The following PSEN1 variants were observed in gnomAD, a reference collection of about 807,000 sequenced individuals.
PSEN1 encodes the protein presenilin 1.
A neutral mutation model predicts 53.5 loss-of-function variants in PSEN1; 15 were observed. The observed-to-expected ratio is 0.28, with a 90% CI of 0.19 to 0.43. The LOEUF (loss-of-function observed/expected upper bound fraction) is 0.43, where lower values mean the gene tolerates loss of function less well. Ranked by LOEUF, PSEN1 falls within the 20% of genes least tolerant of loss-of-function variation. The probability of loss-of-function intolerance (pLI) is 1.00; values close to 1 mark genes in which losing one functional copy is unlikely to be tolerated. For synonymous variants in PSEN1, 208 were observed against 209.8 expected (o/e 0.99, Z 0.08); for missense variants, 387 against 571.2 (o/e 0.68, Z 3.29).
intron 8 of PSEN1, among the ~76,000 whole-genome samples, chr14:73,205,609 C>T (rs1368563068): frequency 6.6e-6 from 1 of 151,834 alleles, no homozygotes; most frequent in Non-Finnish European, 1.5e-5. Flanking sequence ...GTTGGTGTAT[C>T]TTCAGGATAA....
chr14:73,152,114 T>C lies in PSEN1; in HGVS notation c.87+4008T>C, dbSNP rs1275667462. Reference sequence around the variant, plus strand: ...TTTTCATAGAGGCGGGGTTTCACCGTGTTAGCCAGGATGGTCTCGGATCTC... The same window carrying C: ...TTTTCATAGAGGCGGGGTTTCACCGCGTTAGCCAGGATGGTCTCGGATCTC... On this transcript the variant is annotated intron_variant, in intron 3 of 11. Coordinates refer to ENST00000324501, the MANE Select transcript of PSEN1 (RefSeq NM_000021.4). 2.0e-5 allele frequency among the ~76,000 whole-genome samples: 3 copies of C among 146,478 alleles called. No individual in the cohort carries two copies. In the East Asian group the frequency reaches 6.3e-4, roughly 31 times the overall value.
chr14:73,144,546 A>C lies in PSEN1; in HGVS notation c.-135-3249A>C, dbSNP rs214275. Among the ~76,000 whole-genome samples, 1,259 of 152,244 alleles carry C rather than the reference A, an allele frequency of 8.3e-3. 21 individuals are homozygous for C. The highest frequency in any genetic ancestry group is 0.029 in the African/African-American group (1,209 of 41,520). The stretch of plus-strand genomic sequence containing the variant: ...GTAAACTCCTACGGGGCAGGTTTGG[A>C]GTTTTATAAAGAGGCAATATAGTGT... On this transcript the variant is annotated intron_variant, in intron 1 of 11. Coordinates refer to ENST00000324501, the MANE Select transcript of PSEN1 (RefSeq NM_000021.4).
At position 73,147,785 on chromosome 14, in the gene PSEN1, C is replaced by G; in HGVS notation, c.-135-10C>G. The G allele has an allele frequency of 1.9e-6, 1 of 538,494 alleles. No individual in the cohort carries two copies. Among genetic ancestry groups the G allele is most frequent in the Non-Finnish European group, 3.3e-6 (1 of 299,308 alleles). 33.4% of individuals were successfully genotyped at this position (538,494 alleles called of 1,614,324 possible). A position where few individuals can be genotyped will look rare whatever the true frequency, so the allele number is the denominator to read the frequency against. On this transcript the variant is annotated splice_polypyrimidine_tract_variant and intron_variant, in intron 1 of 11. Transcript: ENST00000324501. ...CTAACAATGGATGACCTGGTGAAAT[C>G]CTATTTCAGACCTAATCTGGGAGCC...
Position 73,184,106 on chromosome 14 carries a change from ACC to A in PSEN1, c.481-2739_481-2738del, listed in dbSNP as rs1198304796. ...GGGCGGCTGGCCGGGCGGGGGGCTG[ACC>A]CCCCCCCACCTCCCTCCCGGACAGG... On this transcript the variant is annotated intron_variant, in intron 5 of 11. Transcript: ENST00000324501. Among the ~76,000 whole-genome samples the A allele has an allele frequency of 7.7e-3, 381 of 49,166 alleles. 19 individuals carry two copies. The highest frequency in any genetic ancestry group is 0.033 in the African/African-American group (349 of 10,628). The allele number at this position is 49,166 out of a possible 152,430, so 32.3% of individuals were successfully genotyped here. A position where few individuals can be genotyped will look rare whatever the true frequency, so the allele number is the denominator to read the frequency against.
chr14:73,169,753 C>T (rs1897832024), intron 3 of PSEN1, among the ~76,000 whole-genome samples: 1 of 151,782 alleles, frequency 6.6e-6, no homozygotes, highest in Admixed American at 6.6e-5. Context: ...TCAGGTGATT[C>T]TCCTGCCGTA....
At position 73,223,579 on chromosome 14, in the gene PSEN1, CTG is replaced by C. The variant is rs1216614108; in HGVS notation, c.*4293_*4294del. The C allele has an allele frequency of 5.3e-5, 8 of 152,148 alleles. No homozygotes were observed. Among genetic ancestry groups the C allele is most frequent in the Non-Finnish European group, 1.2e-4 (8 of 68,026 alleles). The allele number at this position is 152,148 out of a possible 1,614,324, so 9.4% of individuals were successfully genotyped here. A position where few individuals can be genotyped will look rare whatever the true frequency, so the allele number is the denominator to read the frequency against. On this transcript the variant is annotated 3_prime_UTR_variant, in exon 12 of 12. Coordinates refer to ENST00000324501, the MANE Select transcript of PSEN1 (RefSeq NM_000021.4). ...CTGCTTTGTACTTAATTCAGACAGA[CTG>C]TGAATACACCTTTTTTATAAATACC...
chr14:73,174,031 G>A, intron 5 of PSEN1: 1 of 485,544 alleles, frequency 2.1e-6, no homozygotes, highest in Non-Finnish European at 3.6e-6. Context: ...TATATGCATG[G>A]AATCTATATG....
At chr14:73,185,198 C>G (rs1320065413) in intron 5 of PSEN1, among the ~76,000 whole-genome samples, 2 of 151,098 alleles carry the variant, frequency 1.3e-5, no homozygotes, top group South Asian at 2.1e-4. Context: ...ACTTCCCAGA[C>G]GGGGTGGCGG....
At chr14:73,212,452 T>C (rs1899743683) in intron 10 of PSEN1, among the ~76,000 whole-genome samples, 2 of 152,176 alleles carry the variant, frequency 1.3e-5, no homozygotes, top group South Asian at 4.1e-4. Flanking sequence ...CCTGACCTTT[T>C]GGCATTTATT....
chr14:73,185,499 T>G (rs1192681052), intron 5 of PSEN1, among the ~76,000 whole-genome samples: 1 of 151,654 alleles, frequency 6.6e-6, no homozygotes, highest in South Asian at 2.1e-4. Context: ...GCAGGCTGAG[T>G]CAGGAGAATC....
chr14:73,173,965 C>A (rs543882851), intron 5 of PSEN1: 5 of 599,686 alleles, frequency 8.3e-6, no homozygotes, highest in Non-Finnish European at 1.2e-5. Context: ...GCTTGGGCAA[C>A]GTAGCAAGAC....
intron 10 of PSEN1, among the ~76,000 whole-genome samples, chr14:73,215,056 G>A (rs1467897812): frequency 1.3e-5 from 2 of 151,982 alleles, no homozygotes; most frequent in Non-Finnish European, 2.9e-5. Flanking sequence ...TGCCTCCCAG[G>A]TTCAAGCGAT....
In PSEN1 at chr14:73,153,645, A is replaced by G. The variant is rs186363196; in HGVS notation, c.87+5539A>G. On this transcript the variant is annotated intron_variant, in intron 3 of 11. Coordinates refer to ENST00000324501, the MANE Select transcript of PSEN1 (RefSeq NM_000021.4). ...CACATTTGTCATTGTAGAAATTCAAACAATATCCATTAAGTCATTTTTTTT... is the reference window on the plus strand; with the variant it reads ...CACATTTGTCATTGTAGAAATTCAAGCAATATCCATTAAGTCATTTTTTTT... Among the ~76,000 whole-genome samples, 724 of 147,390 alleles carry G rather than the reference A, an allele frequency of 4.9e-3. 6 individuals are homozygous for G. The highest frequency in any genetic ancestry group is 8.4e-3 in the Non-Finnish European group (564 of 67,542).
intron 6 of PSEN1, among the ~76,000 whole-genome samples, chr14:73,188,062 G>A (rs995861242): frequency 3.3e-5 from 5 of 151,798 alleles, no homozygotes; most frequent in East Asian, 3.9e-4. Context: ...CTGAGTAACC[G>A]GGACTACAGG....
chr14:73,189,159 C>T (rs1898623210), intron 6 of PSEN1, among the ~76,000 whole-genome samples: 1 of 152,072 alleles, frequency 6.6e-6, no homozygotes, highest in Non-Finnish European at 1.5e-5. Flanking sequence ...CACAATTAAA[C>T]AGGAGAAAGA....
rs1900123649 is a variant in PSEN1, at chr14:73,221,821, A to G, written c.*2532A>G. The stretch of plus-strand genomic sequence containing the variant: ...CTTCCACCATGAAAAATAGATTGTC[A>G]CTGGAAAGAACAGTAGCAATTTCCA... On this transcript the variant is annotated 3_prime_UTR_variant, in exon 12 of 12. Coordinates refer to ENST00000324501, the MANE Select transcript of PSEN1 (RefSeq NM_000021.4). 1 of 152,192 alleles carries G rather than the reference A, an allele frequency of 6.6e-6. No individual in the cohort carries two copies. Among genetic ancestry groups the G allele is most frequent in the Non-Finnish European group, 1.5e-5 (1 of 68,034 alleles). 9.4% of individuals were successfully genotyped at this position (152,192 alleles called of 1,614,324 possible).
At chr14:73,195,996 C>T (rs915207762) in intron 7 of PSEN1, among the ~76,000 whole-genome samples, 1 of 152,168 alleles carries the variant, frequency 6.6e-6, no homozygotes, top group African/African-American at 2.4e-5. Context: ...ACCATCAACC[C>T]TCCATTCTGT....
chr14:73,176,917 A>G (rs1330258829), intron 5 of PSEN1, among the ~76,000 whole-genome samples: 1 of 152,214 alleles, frequency 6.6e-6, no homozygotes, highest in Admixed American at 6.5e-5. Context: ...AGCTCCCTGA[A>G]GTGTGGGTTC....
intron 3 of PSEN1, among the ~76,000 whole-genome samples, chr14:73,164,561 T>A (rs985235142): frequency 6.6e-6 from 1 of 152,216 alleles, no homozygotes; most frequent in Non-Finnish European, 1.5e-5. Flanking sequence ...ATACTTTTTT[T>A]ATCACCATTT....
Sources: allele counts gnomAD v4.1 joint callset (sites outside exome capture counted in the v4.1 genomes callset), GRCh38; gene constraint gnomAD v4.1.1; transcripts MANE v1.5; gene names NCBI Gene and HGNC (gene_info 2026-07-23, HGNC 2026-07-21).